ITGAE: variants seen among roughly 807,000 people sequenced by gnomAD.
ITGAE encodes the protein integrin alpha-E.
A neutral mutation model predicts 136.5 loss-of-function variants in ITGAE; 99 were observed. The observed-to-expected ratio is 0.73, with a 90% confidence interval of 0.62 to 0.86. ITGAE has a LOEUF of 0.86. Among genes scored for constraint, ITGAE ranks in the 40% least tolerant of loss-of-function variants. ITGAE has a pLI of 0.00. For missense variants in ITGAE, 1,447 were observed against 1,515.3 expected (o/e 0.95, Z 0.75); for synonymous variants, 613 against 591.8 (o/e 1.04, Z -0.52).
chr17:3,760,179 C>T lies in ITGAE; in HGVS notation c.707G>A (p.Cys236Tyr), dbSNP rs192655302. The change falls in exon 7 of 31, where the codon TGT becomes TAT. Residue 236 changes from cysteine to tyrosine, a missense_variant. By Grantham distance (194) the Cys-to-Tyr change is radical. Transcript: ENST00000263087. ...GCTCTTAGGGAAGCCCACCTCAAAA[C>T]ACTTTTCATAGAAGTTCCTCATCAT... Reference protein sequence around the residue: ...SNMMRNFYEKCFECNFALVQY... With the variant: ...SNMMRNFYEKYFECNFALVQY... 2.5e-6 allele frequency: 4 copies of T among 1,607,462 alleles called. No individual in the cohort carries two copies. In the Admixed American group the frequency reaches 5.0e-5, roughly 20 times the overall value.
intron 1 of ITGAE, among the ~76,000 whole-genome samples, chr17:3,795,845 ATC>A (rs891499590): frequency 7.8e-6 from 1 of 128,092 alleles, no homozygotes; most frequent in Non-Finnish European, 1.7e-5. Flanking sequence ...GCATGTGTGC[ATC>A]TGTGTGTGTG....
chr17:3,762,450 G>A (rs768555881), intron 3 of ITGAE, among the ~76,000 whole-genome samples: 1 of 152,066 alleles, frequency 6.6e-6, no homozygotes, highest in Non-Finnish European at 1.5e-5. Context: ...CCAGCCTCAG[G>A]GGCAGAAATG....
rs1241710692 is a variant in ITGAE at position 3,746,609 on chromosome 17, C to T, written c.2156-682G>A. Among the ~76,000 whole-genome samples the T allele has an allele frequency of 3.9e-4, 60 of 152,072 alleles. 1 individual carries two copies. The highest frequency in any genetic ancestry group is 3.9e-3 in the Admixed American group (59 of 15,254). ...TAGCTGGGACTACAGGCGCCCGCCA[C>T]CACACCTGGCTAATTTTTTGTATTT... On this transcript the variant is annotated intron_variant, in intron 17 of 30. Transcript: ENST00000263087.
rs1240714098 is a variant in ITGAE at position 3,723,386 on chromosome 17, G to A, written c.3142-3C>T. The A allele has an allele frequency of 1.2e-6, 2 of 1,603,092 alleles. No homozygotes were observed. Among genetic ancestry groups the A allele is most frequent in the East Asian group, 4.5e-5 (2 of 44,834 alleles). On this transcript the variant is annotated splice_polypyrimidine_tract_variant and splice_region_variant and intron_variant, in intron 27 of 30. Coordinates refer to ENST00000263087, the MANE Select transcript of ITGAE (RefSeq NM_002208.5). ...ACTGAATGCCATTCTTCCACATGCT[G>A]GAAAAGCGAGGTCTAGTGAACACAA...
intron 17 of ITGAE, among the ~76,000 whole-genome samples, chr17:3,746,857 C>CTGGGATTACAGGCGCTT (rs1394563808): frequency 2.6e-5 from 4 of 152,194 alleles, no homozygotes; most frequent in Admixed American, 6.6e-5. Context: ...TCCCAAAGTG[C>CTGGGATTACAGGCGCTT]TGGGATTACA....
chr17:3,716,745 AATG>A lies in ITGAE; in HGVS notation c.3384_3386del (p.Ile1129del). ...CCAGAAGTCCACCAACGCTGCCTTT[AATG>A]ATGATAGGCAAAGAATGGTACTTCT... On this transcript the variant is annotated inframe_deletion, in exon 30 of 31. Coordinates refer to ENST00000263087, the MANE Select transcript of ITGAE (RefSeq NM_002208.5). The A allele has an allele frequency of 6.2e-7, 1 of 1,611,770 alleles. No homozygotes were observed. The highest frequency in any genetic ancestry group is 8.5e-7 in the Non-Finnish European group (1 of 1,177,824).
intron 8 of ITGAE, 61 bp downstream of exon 8, chr17:3,759,341 T>C: frequency 6.3e-7 from 1 of 1,580,280 alleles, no homozygotes. Context: ...ACTTCCTCCA[T>C]GAGTGATGCC....
intron 1 of ITGAE, among the ~76,000 whole-genome samples, chr17:3,791,134 G>A (rs527253055): frequency 6.8e-4 from 92 of 135,302 alleles, no homozygotes; most frequent in African/African-American, 2.4e-3. Context: ...CAGCCTGGGC[G>A]ACAGAGCGAG....
At chr17:3,768,277 A>G (rs2052345594) in intron 2 of ITGAE, among the ~76,000 whole-genome samples, 1 of 152,174 alleles carries the variant, frequency 6.6e-6, no homozygotes, top group Non-Finnish European at 1.5e-5. Flanking sequence ...GATGCGTGCC[A>G]TCACACCTGG....
rs979203992 is a variant in ITGAE, at chr17:3,783,369, C to T, written c.35-5709G>A. 1.8e-4 allele frequency among the ~76,000 whole-genome samples: 28 copies of T among 152,120 alleles called. 2 individuals are homozygous for T. Among genetic ancestry groups the T allele is most frequent in the Admixed American group, 1.5e-3 (23 of 15,256 alleles). Reference sequence around the variant, plus strand: ...TTGGCCAGGCTGGTCTCATACTCGTCCTGACCTCAAGAGATCCGCCCGCCT... The same window carrying T: ...TTGGCCAGGCTGGTCTCATACTCGTTCTGACCTCAAGAGATCCGCCCGCCT... On this transcript the variant is annotated intron_variant, in intron 1 of 30. Coordinates refer to ENST00000263087, the MANE Select transcript of ITGAE (RefSeq NM_002208.5).
intron 12 of ITGAE, 117 bp downstream of exon 12, chr17:3,754,997 CTCG>C: frequency 8.4e-7 from 1 of 1,190,374 alleles, no homozygotes; most frequent in Non-Finnish European, 1.1e-6. Context: ...AGGCCCCACC[CTCG>C]CCCAGGTAGG....
chr17:3,748,279 G>T (rs1284978155), intron 16 of ITGAE, among the ~76,000 whole-genome samples: 1 of 152,210 alleles, frequency 6.6e-6, no homozygotes, highest in African/African-American at 2.4e-5. Context: ...TATTGGCAAG[G>T]CTATGAGAAA....
intron 21 of ITGAE, among the ~76,000 whole-genome samples, chr17:3,734,594 A>C (rs2143011857): frequency 6.6e-6 from 1 of 152,314 alleles, no homozygotes. Flanking sequence ...ACCCTGGTGA[A>C]GAAAGGGCCG....
rs555520600 is a variant in ITGAE, at chr17:3,746,470, T to C, written c.2156-543A>G. Among the ~76,000 whole-genome samples, 10 of 151,580 alleles carry C rather than the reference T, an allele frequency of 6.6e-5. No homozygotes were observed. The East Asian group carries it at 1.5e-3, about 23-fold the overall frequency. ...TTTTTTTCTTTTTTCTTTTTTTTTTTCCTTTGAGACAGAGTCTCGCTGTCA... is the reference window on the plus strand; with the variant it reads ...TTTTTTTCTTTTTTCTTTTTTTTTTCCCTTTGAGACAGAGTCTCGCTGTCA... On this transcript the variant is annotated intron_variant, in intron 17 of 30. Coordinates refer to ENST00000263087, the MANE Select transcript of ITGAE (RefSeq NM_002208.5).
chr17:3,755,250 C>T lies in ITGAE; in HGVS notation c.1251G>A (p.Leu417=), dbSNP rs1301435706. ...AGTCAAAGGCCCCGACGGCGCCGAG[C>T]AGCACCTGCCGCTGAAGGGGACGGG... The part of the protein sequence containing the change: ...SAQILDERQV[L]LGAVGAFDWS... The change falls in exon 12 of 31, where the codon CTG becomes CTA. Residue 417 remains leucine, a synonymous_variant. Coordinates refer to ENST00000263087, the MANE Select transcript of ITGAE (RefSeq NM_002208.5). The T allele has an allele frequency of 1.3e-6, 2 of 1,574,252 alleles. No homozygotes were observed. The highest frequency in any genetic ancestry group is 1.7e-6 in the Non-Finnish European group (2 of 1,166,564).
At chr17:3,788,907 A>C (rs188216756) in intron 1 of ITGAE, among the ~76,000 whole-genome samples, 21 of 150,892 alleles carry the variant, frequency 1.4e-4, no homozygotes, top group Non-Finnish European at 1.8e-4. Flanking sequence ...AACACACTGA[A>C]TATATAAAAC....
chr17:3,796,187 G>GTGTGTGTGTC (rs2053097570), intron 1 of ITGAE, among the ~76,000 whole-genome samples: 1 of 151,332 alleles, frequency 6.6e-6, no homozygotes, highest in Admixed American at 6.6e-5. Flanking sequence ...GTGTGTGTGT[G>GTGTGTGTGTC]TGTGTGGTGG....
intron 28 of ITGAE, among the ~76,000 whole-genome samples, 175 bp downstream of exon 28, chr17:3,723,113 T>G (rs779684357): frequency 2.0e-5 from 3 of 152,024 alleles, no homozygotes; most frequent in Non-Finnish European, 4.4e-5. Flanking sequence ...GTAACTGGAG[T>G]ATATCTCCCT....
At position 3,797,375 on chromosome 17, in the gene ITGAE, C is replaced by G. The variant is rs184326715; in HGVS notation, c.34+3736G>C. On this transcript the variant is annotated intron_variant, in intron 1 of 30. Coordinates refer to ENST00000263087, the MANE Select transcript of ITGAE (RefSeq NM_002208.5). ...AGAGACGGAGTTTCACTGTGTTAGC[C>G]AGGATGGTCTCGATCTCCTGACCTC... 4.8e-3 allele frequency among the ~76,000 whole-genome samples: 729 copies of G among 151,168 alleles called. 8 individuals are homozygous for G. The highest frequency in any genetic ancestry group is 0.017 in the African/African-American group (689 of 41,194).
Sources: gnomAD v4.1 joint callset for allele counts (sites outside exome capture counted in the v4.1 genomes callset) on GRCh38, gnomAD v4.1.1 for gene constraint, MANE v1.5 for transcripts, NCBI Gene and HGNC (gene_info 2026-07-23, HGNC 2026-07-21) for gene names.